The following SRPK2 variants were observed in gnomAD, a reference collection of about 807,000 sequenced individuals.
SRPK2 encodes SRSF protein kinase 2, also known as SFRS protein kinase 2.
A neutral mutation model predicts 90.8 loss-of-function variants in SRPK2; 21 were observed. The ratio of observed to expected loss-of-function variants is 0.23; its 90% CI spans 0.16 to 0.33. The LOEUF (loss-of-function observed/expected upper bound fraction) is 0.33. SRPK2 is among the 10% of genes least tolerant of loss of function. The pLI is 1.00. For missense variants in SRPK2, 620 were observed against 869.0 expected, an observed-to-expected ratio of 0.71 and a Z score of 3.60; for synonymous variants, 288 against 311.1, an observed-to-expected ratio of 0.93 and a Z score of 0.78.
intron 2 of SRPK2, among the ~76,000 whole-genome samples, chr7:105,289,488 T>G (rs1585554080): frequency 6.6e-6 from 1 of 152,180 alleles, no homozygotes; most frequent in South Asian, 2.1e-4. Flanking sequence ...CATAGACTAT[T>G]AAGTGTGCGG....
intron 11 of SRPK2, among the ~76,000 whole-genome samples, chr7:105,133,715 G>A (rs531942084): frequency 6.6e-6 from 1 of 152,192 alleles, no homozygotes; most frequent in Non-Finnish European, 1.5e-5. Context: ...AACTATTCTG[G>A]TTTTGTTTTA....
At chr7:105,230,887 A>T (rs956311033) in intron 2 of SRPK2, among the ~76,000 whole-genome samples, 3 of 152,246 alleles carry the variant, frequency 2.0e-5, no homozygotes, top group African/African-American at 7.2e-5. Flanking sequence ...GACAGCCAAC[A>T]TATTGTTAAT....
At position 105,294,744 on chromosome 7, in the gene SRPK2, A is replaced by T. The variant is rs554148956; in HGVS notation, c.72-90959T>A. On this transcript the variant is annotated intron_variant, in intron 2 of 15. Transcript: ENST00000393651. ...TTTCATCATGTTGGCCAGACTGGTAACGAACTCCTGACCTCAACTGATCTG... is the reference window on the plus strand; with the variant it reads ...TTTCATCATGTTGGCCAGACTGGTATCGAACTCCTGACCTCAACTGATCTG... Among the ~76,000 whole-genome samples, 420 of 152,042 alleles carry T rather than the reference A, an allele frequency of 2.8e-3. 10 individuals carry two copies. In the East Asian group the frequency reaches 0.055, roughly 20 times the overall value.
At position 105,116,389 on chromosome 7, in the gene SRPK2, A is replaced by G. The variant is rs938441040; in HGVS notation, c.*1449T>C. 3.3e-5 allele frequency: 5 copies of G among 152,472 alleles called. No homozygotes were observed. The highest frequency in any genetic ancestry group is 1.2e-4 in the African/African-American group (5 of 41,428). 9.4% of individuals were successfully genotyped at this position (152,472 alleles called of 1,614,324 possible). A position where few individuals can be genotyped will look rare whatever the true frequency, so the allele number is the denominator to read the frequency against. ...CAAGGCAATGTCTGGAAAAAAAAAA[A>G]CCAAAACACTTTAATTTTTAAGACA... On this transcript the variant is annotated 3_prime_UTR_variant, in exon 16 of 16. Coordinates refer to ENST00000393651, the MANE Select transcript of SRPK2 (RefSeq NM_182692.3).
At chr7:105,380,568 G>A (rs1231138516) in intron 2 of SRPK2, among the ~76,000 whole-genome samples, 2 of 147,950 alleles carry the variant, frequency 1.4e-5, no homozygotes, top group Middle Eastern at 3.2e-3. Flanking sequence ...CTGTCGCCCA[G>A]GCTGGAGTGC....
chr7:105,160,301 G>T, intron 7 of SRPK2: 1 of 352,624 alleles, frequency 2.8e-6, no homozygotes, highest in Non-Finnish European at 5.1e-6. Flanking sequence ...ATTACATGTT[G>T]TTCCCTTCAC....
rs1403236747 is a variant in SRPK2 at position 105,117,876 on chromosome 7, C to T, written c.2062G>A (p.Ala688Thr). The T allele has an allele frequency of 6.2e-7, 1 of 1,613,410 alleles. No homozygotes were observed. Among genetic ancestry groups the T allele is most frequent in the Admixed American group, 1.7e-5 (1 of 60,032 alleles). Residue 688 changes from alanine to threonine, a missense_variant, in exon 16 of 16, where the codon GCT becomes ACT. Ala to Thr is a moderately conservative substitution (Grantham distance 58, BLOSUM62 0). Around this residue, in one of 8 missense-constraint regions of SRPK2, gnomAD observed 71 missense variants for 123.1 expected, o/e 0.58. Transcript: ENST00000393651. ...CAAGGATGCCGAAGGCATTCGCCAG[C>T]TGAGGCTCGTTTTTCTGGAACCATT... ...LEMVPEKRAS[A>T]GECLRHPWLN...
chr7:105,213,923 T>C (rs11978532), intron 2 of SRPK2, among the ~76,000 whole-genome samples: 11,301 of 152,282 alleles, frequency 0.074, 562 homozygotes, highest in Non-Finnish European at 0.1. Context: ...CAACTACTAA[T>C]ATATAATGGA....
At chr7:105,180,833 T>C (rs1792687532) in intron 3 of SRPK2, among the ~76,000 whole-genome samples, 2 of 152,088 alleles carry the variant, frequency 1.3e-5, no homozygotes, top group African/African-American at 4.8e-5. Flanking sequence ...CTGGCAAAGA[T>C]TTCATGATGA....
chr7:105,320,843 G>C (rs753193689), intron 2 of SRPK2, among the ~76,000 whole-genome samples: 1 of 148,950 alleles, frequency 6.7e-6, no homozygotes, highest in African/African-American at 2.6e-5. Flanking sequence ...AGGCACAACT[G>C]GGTTAATGAG....
At chr7:105,220,279 C>T (rs1356346666) in intron 2 of SRPK2, among the ~76,000 whole-genome samples, 1 of 152,134 alleles carries the variant, frequency 6.6e-6, no homozygotes, top group African/African-American at 2.4e-5. Context: ...TGGCTCACAC[C>T]TGTAACCGGG....
chr7:105,163,717 A>T (rs1472333803), intron 6 of SRPK2, among the ~76,000 whole-genome samples: 1 of 152,214 alleles, frequency 6.6e-6, no homozygotes, highest in East Asian at 1.9e-4. Context: ...AGGCTGAGGC[A>T]GGAGAATCTC....
At chr7:105,397,700 G>A (rs1028684782) in intron 1 of SRPK2, among the ~76,000 whole-genome samples, 2 of 151,530 alleles carry the variant, frequency 1.3e-5, no homozygotes, top group African/African-American at 4.9e-5. Context: ...CTGGAGTACA[G>A]TGGCACCATC....
intron 2 of SRPK2, among the ~76,000 whole-genome samples, chr7:105,216,023 A>G (rs1428004351): frequency 6.6e-6 from 1 of 150,572 alleles, no homozygotes; most frequent in Non-Finnish European, 1.5e-5. Context: ...ACCTGTAAAT[A>G]GCCACTGCAC....
intron 2 of SRPK2, chr7:105,269,167 T>C (rs1476765170): frequency 2.4e-6 from 2 of 844,224 alleles, no homozygotes; most frequent in Non-Finnish European, 1.4e-6. Flanking sequence ...TGATTTTCAA[T>C]TTAGCAAAAT....
chr7:105,287,316 T>A (rs1453387643), intron 2 of SRPK2, among the ~76,000 whole-genome samples: 1 of 146,886 alleles, frequency 6.8e-6, no homozygotes, highest in East Asian at 2.0e-4. Context: ...CCACATGTAC[T>A]GATAAACATA....
intron 2 of SRPK2, among the ~76,000 whole-genome samples, chr7:105,388,346 G>A (rs1176446023): frequency 2.0e-5 from 3 of 151,066 alleles, no homozygotes; most frequent in African/African-American, 4.8e-5. Context: ...AGGGACGGGT[G>A]CGCACGCCCT....
intron 2 of SRPK2, among the ~76,000 whole-genome samples, chr7:105,217,949 T>C (rs1395036524): frequency 6.6e-6 from 1 of 152,190 alleles, no homozygotes; most frequent in African/African-American, 2.4e-5. Context: ...TGGAAAGGTA[T>C]ACATGTTCTC....
chr7:105,167,353 A>T (rs1790208899), intron 6 of SRPK2, 24 bp downstream of exon 6: 1 of 1,589,928 alleles, frequency 6.3e-7, no homozygotes, highest in Non-Finnish European at 8.6e-7. Context: ...TAAAAATACA[A>T]ATAAATCAGG....
Sources: allele counts gnomAD v4.1 joint callset (sites outside exome capture counted in the v4.1 genomes callset), GRCh38; gene constraint gnomAD v4.1.1; regional missense constraint gnomAD v4.1.1; transcripts MANE v1.5; gene names NCBI Gene and HGNC (gene_info 2026-07-23, HGNC 2026-07-21).